The following ARID1B variants were observed in gnomAD, a reference collection of about 807,000 sequenced individuals.
The protein encoded by ARID1B is AT-rich interactive domain-containing protein 1B.
A neutral mutation model predicts 212.3 loss-of-function variants in ARID1B; 30 were observed. The ratio of observed to expected loss-of-function variants is 0.14; its 90% CI spans 0.11 to 0.19. The LOEUF is 0.19. ARID1B is among the 10% of genes least tolerant of loss of function. The probability of loss-of-function intolerance (pLI) is 1.00; values close to 1 mark genes in which losing one functional copy is unlikely to be tolerated. For missense variants in ARID1B, 2,891 were observed against 3,204.0 expected (o/e 0.90, Z 2.36); for synonymous variants, 1,402 against 1,301.7 (o/e 1.08, Z -1.66).
At chr6:156,909,884 T>A (rs1164116279) in intron 3 of ARID1B, among the ~76,000 whole-genome samples, 1 of 152,214 alleles carries the variant, frequency 6.6e-6, no homozygotes, top group Admixed American at 6.5e-5. Flanking sequence ...TCTAGGTGGT[T>A]CTAGCCCCCA....
chr6:156,895,531 C>T (rs1788309213), intron 2 of ARID1B, among the ~76,000 whole-genome samples: 1 of 152,158 alleles, frequency 6.6e-6, no homozygotes, highest in South Asian at 2.1e-4. Context: ...CGGAAGGACA[C>T]CTCCTGGGGT....
intron 4 of ARID1B, among the ~76,000 whole-genome samples, chr6:157,040,218 G>A (rs907069155): frequency 2.0e-5 from 3 of 152,330 alleles, no homozygotes; most frequent in African/African-American, 4.8e-5. Context: ...GATTACAGGC[G>A]CAAGCCACTG....
At chr6:156,849,448 C>T (rs1192802526) in intron 2 of ARID1B, among the ~76,000 whole-genome samples, 2 of 152,128 alleles carry the variant, frequency 1.3e-5, no homozygotes, top group African/African-American at 2.4e-5. Flanking sequence ...AGGCTATACC[C>T]CACAGTCAGC....
chr6:156,849,801 G>A (rs1784464218), intron 2 of ARID1B, among the ~76,000 whole-genome samples: 1 of 151,988 alleles, frequency 6.6e-6, no homozygotes, highest in African/African-American at 2.4e-5. Flanking sequence ...CACAGTTTGG[G>A]TGGACCCTAA....
chr6:157,160,101 C>T (rs926499076), intron 8 of ARID1B, among the ~76,000 whole-genome samples: 1 of 152,154 alleles, frequency 6.6e-6, no homozygotes, highest in African/African-American at 2.4e-5. Context: ...AGCAGGCTGC[C>T]TCGAAAACAG....
At chr6:157,077,512 C>G (rs1214345230) in intron 4 of ARID1B, among the ~76,000 whole-genome samples, 1 of 152,176 alleles carries the variant, frequency 6.6e-6, no homozygotes, top group African/African-American at 2.4e-5. Flanking sequence ...CCTCCCCTCA[C>G]TCTTCCTGCC....
At chr6:156,902,477 T>G (rs549325565) in intron 3 of ARID1B, among the ~76,000 whole-genome samples, 2 of 152,264 alleles carry the variant, frequency 1.3e-5, no homozygotes, top group East Asian at 3.9e-4. Context: ...CGGAGCTTAA[T>G]TTTAATCAGT....
At chr6:156,964,652 A>G (rs1794621046) in intron 4 of ARID1B, among the ~76,000 whole-genome samples, 1 of 152,262 alleles carries the variant, frequency 6.6e-6, no homozygotes, top group African/African-American at 2.4e-5. Flanking sequence ...AAAAGAATAT[A>G]GATTTTAAAA....
rs148727152 is a variant in ARID1B at position 156,909,227 on chromosome 6, G to T, written c.2136+7702G>T. ...TGCGGCATCTGCCTCCTGAATTCAA[G>T]CAATTCTCCTGCCTCAGCCCTGTGA... On this transcript the variant is annotated intron_variant, in intron 3 of 19. Coordinates refer to ENST00000636930, the MANE Select transcript of ARID1B (RefSeq NM_001374828.1). Among the ~76,000 whole-genome samples the T allele has an allele frequency of 2.8e-5, 4 of 144,034 alleles. No homozygotes were observed. The Admixed American group carries it at 2.9e-4, about 10-fold the overall frequency. 94.5% of individuals were successfully genotyped at this position (144,034 alleles called of 152,430 possible).
chr6:156,903,468 T>C (rs1292349475), intron 3 of ARID1B, among the ~76,000 whole-genome samples: 4 of 152,152 alleles, frequency 2.6e-5, no homozygotes, highest in Non-Finnish European at 5.9e-5. Context: ...GTTATATTCA[T>C]TGTGGGGCAG....
chr6:156,778,660 C>T lies in ARID1B; in HGVS notation c.980C>T (p.Pro327Leu). ...YGSAAPASGG[P>L]GGRAGPCFDQ... ...AGCGCTGCCCCTGCGAGCGGCGGCC[C>T]CGGCGGCCGCGCTGGGCCTTGCTTT... Residue 327 changes from proline to leucine, a missense_variant, in exon 1 of 20, where the codon CCC (proline) becomes CTC (leucine). Physicochemically the swap from Pro to Leu is moderately conservative, Grantham distance 98. Transcript: ENST00000636930. The T allele has an allele frequency of 6.7e-7, 1 of 1,486,770 alleles. No homozygotes were observed. The highest frequency in any genetic ancestry group is 9.0e-7 in the Non-Finnish European group (1 of 1,116,406). The allele number at this position is 1,486,770 out of a possible 1,614,324, so 92.1% of individuals were successfully genotyped here. A position where few individuals can be genotyped will look rare whatever the true frequency, so the allele number is the denominator to read the frequency against.
At chr6:157,186,583 T>C in intron 13 of ARID1B, 1 of 465,860 alleles carries the variant, frequency 2.1e-6, no homozygotes, top group Non-Finnish European at 4.5e-6. Context: ...TCTGGAAACA[T>C]TTTTGTTGTT....
chr6:157,193,321 A>G (rs1793510428), intron 15 of ARID1B: 1 of 152,242 alleles, frequency 6.6e-6, no homozygotes, highest in Non-Finnish European at 1.5e-5. Context: ...TTTCTGCGAA[A>G]TAGATTCCTA....
At chr6:157,069,607 A>G (rs1377192327) in intron 4 of ARID1B, among the ~76,000 whole-genome samples, 1 of 152,154 alleles carries the variant, frequency 6.6e-6, no homozygotes, top group East Asian at 1.9e-4. Flanking sequence ...TTCAGCATTT[A>G]TTCATGTTCC....
Position 156,802,105 on chromosome 6 carries a change from C to T in ARID1B, c.1791+22634C>T, listed in dbSNP as rs376209629. Among the ~76,000 whole-genome samples, 10 of 152,306 alleles carry T rather than the reference C, an allele frequency of 6.6e-5. No homozygotes were observed. In the East Asian group the frequency reaches 1.5e-3, roughly 24 times the overall value. On this transcript the variant is annotated intron_variant, in intron 1 of 19. Transcript: ENST00000636930. ...ACGGCACCTTTCTCCTTCTCTCCTA[C>T]CCAATTTTTCACAGCTTGTCTTCAC...
chr6:157,080,006 C>T (rs1457750919), intron 4 of ARID1B, among the ~76,000 whole-genome samples: 1 of 152,182 alleles, frequency 6.6e-6, no homozygotes, highest in Non-Finnish European at 1.5e-5. Context: ...CATGGGAAGT[C>T]ACAGTGAGAA....
chr6:157,065,701 T>C (rs1007564133), intron 4 of ARID1B, among the ~76,000 whole-genome samples: 1 of 152,200 alleles, frequency 6.6e-6, no homozygotes, highest in Non-Finnish European at 1.5e-5. Flanking sequence ...TCAGGGAGAA[T>C]ACCAAAGAAG....
chr6:157,040,936 CTT>C (rs1781842557), intron 4 of ARID1B, among the ~76,000 whole-genome samples: 1 of 152,098 alleles, frequency 6.6e-6, no homozygotes, highest in African/African-American at 2.4e-5. Flanking sequence ...ATTTAAGTAA[CTT>C]TTATTTTCTT....
At chr6:156,777,033 G>C (rs1778661144), upstream of ARID1B, 1 of 152,244 alleles carries the variant, frequency 6.6e-6, no homozygotes, top group Non-Finnish European at 1.5e-5. Context: ...TTGTTTCCCA[G>C]CCCTTCTCCC....
Sources: gnomAD v4.1 joint callset for allele counts (sites outside exome capture counted in the v4.1 genomes callset) on GRCh38, gnomAD v4.1.1 for gene constraint, MANE v1.5 for transcripts, NCBI Gene and HGNC (gene_info 2026-07-23, HGNC 2026-07-21) for gene names.